The following SNX29 variants were observed in gnomAD, a reference collection of about 807,000 sequenced individuals.
SNX29 encodes the protein sorting nexin 29, also known as sorting nexin-29.
Under a neutral mutation model 102.1 loss-of-function variants are expected in SNX29, and 78 were observed. The ratio of observed to expected loss-of-function variants is 0.76; its 90% CI spans 0.64 to 0.92. The LOEUF (loss-of-function observed/expected upper bound fraction) is 0.92. Ranked by LOEUF, SNX29 falls within the 40% of genes least tolerant of loss-of-function variation. The pLI, the probability that SNX29 is intolerant of heterozygous loss-of-function variation, is 0.00. For missense variants in SNX29, 1,280 were observed against 1,061.7 expected, an observed-to-expected ratio of 1.21 and a Z score of -2.86; for synonymous variants, 580 against 414.5, an observed-to-expected ratio of 1.40 and a Z score of -4.85.
chr16:12,225,408 C>G (rs756335195), intron 14 of SNX29, among the ~76,000 whole-genome samples: 87 of 152,156 alleles, frequency 5.7e-4, no homozygotes, highest in Non-Finnish European at 1.0e-3. Flanking sequence ...TTCCCATGCT[C>G]TTCTCATGAT....
At chr16:12,504,032 C>T (rs1273838727) in intron 19 of SNX29, among the ~76,000 whole-genome samples, 1 of 152,196 alleles carries the variant, frequency 6.6e-6, no homozygotes, top group East Asian at 1.9e-4. Context: ...CCCTCTACCA[C>T]TTGGTAGTCA....
intron 15 of SNX29, among the ~76,000 whole-genome samples, chr16:12,332,218 CGTGCGGTGT>C (rs2081311040): frequency 6.6e-6 from 1 of 152,102 alleles, no homozygotes; most frequent in South Asian, 2.1e-4. Context: ...GCCAGGTGTG[CGTGCGGTGT>C]GTGCACTTGC....
chr16:12,393,268 C>CT (rs1290093183), intron 16 of SNX29, among the ~76,000 whole-genome samples: 3 of 152,046 alleles, frequency 2.0e-5, no homozygotes, highest in African/African-American at 4.8e-5. Context: ...TTCTTTGGTT[C>CT]TTTTTTTGTC....
At chr16:12,199,522 C>G in intron 13 of SNX29, 79 bp from the exon 14 acceptor site, 1 of 1,233,290 alleles carries the variant, frequency 8.1e-7, no homozygotes, top group Admixed American at 2.3e-5. Context: ...ACAAATTCAC[C>G]ACCCACCCCT....
chr16:12,553,903 G>T (rs1250801767), intron 20 of SNX29, among the ~76,000 whole-genome samples: 1 of 151,750 alleles, frequency 6.6e-6, no homozygotes, highest in Non-Finnish European at 1.5e-5. Context: ...GAGTGCAGTG[G>T]CATGATCTCC....
intron 11 of SNX29, among the ~76,000 whole-genome samples, chr16:12,123,731 G>GA (rs147164538): frequency 0.024 from 3,649 of 152,248 alleles, 159 homozygotes; most frequent in African/African-American, 0.084. Flanking sequence ...AGAAGGCTGA[G>GA]AGTGGGGCAT....
Position 12,468,169 on chromosome 16 carries a change from CT to C in SNX29, c.2038-9524del, listed in dbSNP as rs59089512. On this transcript the variant is annotated intron_variant, in intron 18 of 20. Transcript: ENST00000566228. Reference sequence around the variant, plus strand: ...CTTCCAGGACTGTCTACTCTGACTCCTTTTTTTTTTTTTTTTTTTTTTTTTT... The same window carrying C: ...CTTCCAGGACTGTCTACTCTGACTCCTTTTTTTTTTTTTTTTTTTTTTTTT... 5.5e-3 allele frequency among the ~76,000 whole-genome samples: 512 copies of C among 92,678 alleles called. 2 individuals carry two copies. Among genetic ancestry groups the C allele is most frequent in the African/African-American group, 9.6e-3 (214 of 22,244 alleles). The allele number at this position is 92,678 out of a possible 152,430, so 60.8% of individuals were successfully genotyped here. A position where few individuals can be genotyped will look rare whatever the true frequency, so the allele number is the denominator to read the frequency against.
At chr16:12,408,181 A>AAAAAAAAAAAAAAAAC (rs1567533282) in intron 18 of SNX29, among the ~76,000 whole-genome samples, 2 of 148,664 alleles carry the variant, frequency 1.3e-5, no homozygotes, top group African/African-American at 5.0e-5. Flanking sequence ...AACAAACAAA[A>AAAAAAAAAAAAAAAAC]AAAAAACTAG....
At chr16:12,451,283 A>T (rs2086288775) in intron 18 of SNX29, among the ~76,000 whole-genome samples, 1 of 152,214 alleles carries the variant, frequency 6.6e-6, no homozygotes, top group Non-Finnish European at 1.5e-5. Flanking sequence ...CTGTAATAGA[A>T]AATTAGCTTC....
chr16:12,259,062 C>T (rs774836716), intron 14 of SNX29, among the ~76,000 whole-genome samples: 1 of 152,182 alleles, frequency 6.6e-6, no homozygotes, highest in Non-Finnish European at 1.5e-5. Flanking sequence ...TCCCCCTCCT[C>T]TCTCTCCTGC....
At chr16:12,406,964 T>G (rs2151527051) in intron 18 of SNX29, among the ~76,000 whole-genome samples, 1 of 152,286 alleles carries the variant, frequency 6.6e-6, no homozygotes, top group Non-Finnish European at 1.5e-5. Flanking sequence ...ACATTTCACA[T>G]GCTGAGCAGC....
chr16:12,265,440 C>T (rs952131496), intron 14 of SNX29, among the ~76,000 whole-genome samples: 2 of 152,038 alleles, frequency 1.3e-5, no homozygotes, highest in Admixed American at 6.5e-5. Context: ...CTCTTGGAAG[C>T]GAGACGCAGC....
At chr16:12,473,312 C>T (rs1029189897) in intron 18 of SNX29, among the ~76,000 whole-genome samples, 19 of 152,164 alleles carry the variant, frequency 1.2e-4, no homozygotes, top group African/African-American at 4.3e-4. Context: ...ATTTTAATGG[C>T]ATTAGACTAG....
At chr16:12,186,579 G>C (rs1596460965) in intron 13 of SNX29, among the ~76,000 whole-genome samples, 1 of 152,192 alleles carries the variant, frequency 6.6e-6, no homozygotes, top group South Asian at 2.1e-4. Flanking sequence ...TTTCACCAAT[G>C]GGGCCAATTT....
intron 13 of SNX29, among the ~76,000 whole-genome samples, chr16:12,153,358 C>T (rs941025765): frequency 6.6e-6 from 1 of 152,104 alleles, no homozygotes; most frequent in Non-Finnish European, 1.5e-5. Flanking sequence ...CATGTTGGTA[C>T]CCACTCTGGA....
chr16:12,012,489 A>C (rs1596588725), intron 3 of SNX29, among the ~76,000 whole-genome samples: 1 of 151,772 alleles, frequency 6.6e-6, no homozygotes, highest in Non-Finnish European at 1.5e-5. Flanking sequence ...GCTCACTGCA[A>C]CCTCCGCCTC....
At chr16:12,517,546 G>A (rs1014389204) in intron 19 of SNX29, among the ~76,000 whole-genome samples, 1 of 152,168 alleles carries the variant, frequency 6.6e-6, no homozygotes, top group Non-Finnish European at 1.5e-5. Flanking sequence ...TCTTCCTATG[G>A]TCTGCCTGGC....
At chr16:12,216,544 T>C (rs1045858614) in intron 14 of SNX29, among the ~76,000 whole-genome samples, 1 of 152,212 alleles carries the variant, frequency 6.6e-6, no homozygotes, top group African/African-American at 2.4e-5. Flanking sequence ...TGGTCTTGTC[T>C]GCTCCTTCAT....
intron 14 of SNX29, among the ~76,000 whole-genome samples, chr16:12,256,911 T>TC (rs2078590283): frequency 6.6e-6 from 1 of 152,182 alleles, no homozygotes. Flanking sequence ...CACCAAAACT[T>TC]CAATTTCTCC....
Sources: allele counts gnomAD v4.1 joint callset (sites outside exome capture counted in the v4.1 genomes callset), GRCh38; gene constraint gnomAD v4.1.1; transcripts MANE v1.5; gene names NCBI Gene and HGNC (gene_info 2026-07-23, HGNC 2026-07-21).